ZBTB16: variants seen among roughly 807,000 people sequenced by gnomAD.
The protein encoded by ZBTB16 is zinc finger and BTB domain-containing protein 16.
A neutral mutation model predicts 56.8 loss-of-function variants in ZBTB16; 8 were observed. The observed-to-expected ratio is 0.14, with a 90% CI of 0.08 to 0.25. The LOEUF (loss-of-function observed/expected upper bound fraction) is 0.25. Ranked by LOEUF, ZBTB16 falls within the 10% of genes least tolerant of loss-of-function variation. ZBTB16 has a pLI of 1.00. For missense variants in ZBTB16, 625 were observed against 903.0 expected, an observed-to-expected ratio of 0.69 and a Z score of 3.95; for synonymous variants, 363 against 368.5, an observed-to-expected ratio of 0.98 and a Z score of 0.17.
In ZBTB16 at chr11:114,085,366, A is replaced by G. The variant is rs148913546; in HGVS notation, c.1268+20798A>G. 4.0e-3 allele frequency among the ~76,000 whole-genome samples: 614 copies of G among 152,320 alleles called. 3 individuals carry two copies. Among genetic ancestry groups the G allele is most frequent in the Middle Eastern group, 0.01 (3 of 294 alleles). On this transcript the variant is annotated intron_variant, in intron 2 of 6. Transcript: ENST00000335953. ...AGTGAGGCCTTAGCCATAGGTATTC[A>G]ATTCAAAAAGCATTTACTGAGCATC...
intron 3 of ZBTB16, among the ~76,000 whole-genome samples, chr11:114,172,337 G>A (rs1942991299): frequency 6.6e-6 from 1 of 152,214 alleles, no homozygotes; most frequent in South Asian, 2.1e-4. Context: ...GACAGTGGCA[G>A]CTGACATTTC....
chr11:114,241,308 C>T (rs1944697203), intron 4 of ZBTB16, among the ~76,000 whole-genome samples: 1 of 151,970 alleles, frequency 6.6e-6, no homozygotes, highest in South Asian at 2.1e-4. Flanking sequence ...GAGTGTGAAC[C>T]CCAGCCCTGC....
chr11:114,243,223 G>A (rs546315350), intron 5 of ZBTB16, among the ~76,000 whole-genome samples: 69 of 152,342 alleles, frequency 4.5e-4, no homozygotes, highest in African/African-American at 1.6e-3. Context: ...TGCTGTGTTT[G>A]TAGGGAGGGT....
chr11:114,074,858 G>A (rs1403724374), intron 2 of ZBTB16, among the ~76,000 whole-genome samples: 5 of 152,334 alleles, frequency 3.3e-5, no homozygotes, highest in African/African-American at 1.2e-4. Context: ...TGGGATTTCA[G>A]CCCCTCTCTG....
At chr11:114,122,121 C>T (rs1184468591) in intron 2 of ZBTB16, among the ~76,000 whole-genome samples, 3 of 152,194 alleles carry the variant, frequency 2.0e-5, no homozygotes, top group Non-Finnish European at 2.9e-5. Context: ...AAAATGGAAA[C>T]GGCCTTTTAT....
chr11:114,242,470 A>C, intron 5 of ZBTB16, 133 bp downstream of exon 5: 1 of 1,306,552 alleles, frequency 7.7e-7, no homozygotes, highest in Non-Finnish European at 1.1e-6. Flanking sequence ...GGACGTGCAG[A>C]GGCTGCCCGT....
At chr11:114,172,168 T>G (rs1376610356) in intron 3 of ZBTB16, among the ~76,000 whole-genome samples, 3 of 152,328 alleles carry the variant, frequency 2.0e-5, no homozygotes, top group East Asian at 3.9e-4. Flanking sequence ...AGTTCCCTAC[T>G]ACATGTCCAA....
At chr11:114,124,028 C>A (rs1400357734) in intron 2 of ZBTB16, among the ~76,000 whole-genome samples, 4 of 152,070 alleles carry the variant, frequency 2.6e-5, no homozygotes, top group Admixed American at 1.3e-4. Flanking sequence ...ATAATTTCAA[C>A]AGGGTTTCAG....
chr11:114,076,125 T>G (rs1175919118), intron 2 of ZBTB16, among the ~76,000 whole-genome samples: 1 of 152,194 alleles, frequency 6.6e-6, no homozygotes, highest in East Asian at 1.9e-4. Flanking sequence ...CATGCCGGAA[T>G]CTGGCCCAGA....
intron 2 of ZBTB16, among the ~76,000 whole-genome samples, chr11:114,097,203 G>A (rs1940449106): frequency 6.6e-6 from 1 of 152,194 alleles, no homozygotes; most frequent in African/African-American, 2.4e-5. Context: ...GATAGCAAAG[G>A]ACAGATAGTG....
intron 4 of ZBTB16, among the ~76,000 whole-genome samples, chr11:114,218,378 C>T (rs1311525062): frequency 2.6e-5 from 4 of 152,146 alleles, no homozygotes; most frequent in Non-Finnish European, 5.9e-5. Context: ...TGGGTCCTGC[C>T]CCACTGGGGC....
chr11:114,247,102 C>T, intron 5 of ZBTB16, 96 bp from the exon 6 acceptor site: 2 of 1,549,360 alleles, frequency 1.3e-6, no homozygotes, highest in Non-Finnish European at 1.8e-6. Context: ...TGAATACAGG[C>T]CGTCGCATCC....
chr11:114,070,609 C>T (rs7941592), intron 2 of ZBTB16, among the ~76,000 whole-genome samples: 4,428 of 152,222 alleles, frequency 0.029, 216 homozygotes, highest in African/African-American at 0.1. Context: ...CAGTCCTGGG[C>T]GCTCTGCACC....
intron 2 of ZBTB16, among the ~76,000 whole-genome samples, chr11:114,123,554 G>T (rs1438766879): frequency 1.3e-5 from 2 of 152,142 alleles, no homozygotes; most frequent in South Asian, 2.1e-4. Flanking sequence ...TATGTAATTA[G>T]AGAGGACTTT....
chr11:114,222,270 A>C (rs1944244442), intron 4 of ZBTB16, among the ~76,000 whole-genome samples: 1 of 152,178 alleles, frequency 6.6e-6, no homozygotes. Flanking sequence ...AGAAAGTATC[A>C]TCCATGCTGT....
chr11:114,101,676 A>G (rs914564047), intron 2 of ZBTB16, among the ~76,000 whole-genome samples: 1 of 152,214 alleles, frequency 6.6e-6, no homozygotes, highest in Non-Finnish European at 1.5e-5. Context: ...GATATTGCCT[A>G]ACTTGTAAGG....
intron 2 of ZBTB16, among the ~76,000 whole-genome samples, chr11:114,082,665 CT>C (rs1303525429): frequency 6.6e-6 from 1 of 152,058 alleles, no homozygotes; most frequent in Non-Finnish European, 1.5e-5. Context: ...GACCTCTCCC[CT>C]GTATCTTGTA....
intron 2 of ZBTB16, among the ~76,000 whole-genome samples, chr11:114,141,039 G>T (rs1041247841): frequency 6.6e-6 from 1 of 152,058 alleles, no homozygotes; most frequent in Admixed American, 6.5e-5. Context: ...TCAGGACTCC[G>T]CATCATCAGC....
At chr11:114,095,706 A>G (rs1394805635) in intron 2 of ZBTB16, among the ~76,000 whole-genome samples, 1 of 152,192 alleles carries the variant, frequency 6.6e-6, no homozygotes, top group Non-Finnish European at 1.5e-5. Context: ...AACAACTGCG[A>G]GGCTCAGGCC....
Sources: allele counts gnomAD v4.1 joint callset (sites outside exome capture counted in the v4.1 genomes callset), GRCh38; gene constraint gnomAD v4.1.1; transcripts MANE v1.5; gene names NCBI Gene and HGNC (gene_info 2026-07-23, HGNC 2026-07-21).